SHROOM2: variants seen among roughly 807,000 people sequenced by gnomAD.
The protein encoded by SHROOM2 is shroom family member 2, also known as protein Shroom2.
Under a neutral mutation model 75.9 loss-of-function variants are expected in SHROOM2, and 33 were observed. The observed-to-expected ratio is 0.43, with a 90% CI of 0.33 to 0.58. The LOEUF is 0.58. Among genes scored for constraint, SHROOM2 ranks in the 20% least tolerant of loss-of-function variants. The pLI is 0.04. For missense variants in SHROOM2, 1,434 were observed against 1,461.2 expected (o/e 0.98, Z 0.30); for synonymous variants, 655 against 663.6 (o/e 0.99, Z 0.20).
At chrX:9,818,266 C>T (rs747227114) in intron 1 of SHROOM2, 431 of 209,933 alleles carry the variant, frequency 2.1e-3, no homozygotes, top group Non-Finnish European at 3.0e-3. Flanking sequence ...TGTCATCATC[C>T]TTGTTGTTGG....
intron 1 of SHROOM2, among the ~76,000 whole-genome samples, chrX:9,854,078 G>A (rs753594550): frequency 6.2e-5 from 7 of 112,425 alleles, no homozygotes; most frequent in East Asian, 2.8e-4. Flanking sequence ...AAATCACAAA[G>A]GACAGTTTCA....
chrX:9,939,455 T>A (rs1173597892), intron 8 of SHROOM2, 89 bp downstream of exon 8: 6 of 816,669 alleles, frequency 7.3e-6, no homozygotes, highest in Admixed American at 3.7e-5. Context: ...GCGCAGACCC[T>A]GCACCACGTG....
rs1021098977 is a variant in SHROOM2, at chrX:9,944,524, C to A, written c.4312-117C>A. ...TTGGTGATGCAAAAGTGAGCTTTCA[C>A]GCAGGTCAGCTGCACCTTTCACGTA... is the stretch of plus-strand genomic sequence containing the variant. On this transcript the variant is annotated intron_variant, in intron 8 of 9. Coordinates refer to ENST00000380913, the MANE Select transcript of SHROOM2 (RefSeq NM_001649.4). 11 of 727,314 alleles carry A rather than the reference C, an allele frequency of 1.5e-5. No individual in the cohort carries two copies. In the African/African-American group the frequency reaches 1.7e-4, roughly 12 times the overall value. The allele number at this position is 727,314 out of a possible 1,213,427, so 59.9% of individuals were successfully genotyped here.
In SHROOM2 at chrX:9,875,572, G is replaced by C. The variant is rs1020723927; in HGVS notation, c.317+1769G>C. ...TACTGTGTGTCTCTTCTTTGATGGA[G>C]ACACCAGCTTAGTCAGCATAGCTGG... On this transcript the variant is annotated intron_variant, in intron 2 of 9. Coordinates refer to ENST00000380913, the MANE Select transcript of SHROOM2 (RefSeq NM_001649.4). Among the ~76,000 whole-genome samples the C allele has an allele frequency of 1.5e-4, 17 of 111,917 alleles. 1 individual carries two copies.
intron 1 of SHROOM2, among the ~76,000 whole-genome samples, chrX:9,799,157 CTTTTTTTTTT>C (rs58508176): frequency 6.5e-5 from 4 of 61,379 alleles, no homozygotes; most frequent in South Asian, 1.0e-3. Flanking sequence ...GAGTTTAATT[CTTTTTTTTTT>C]TTTTTTTTTT....
Position 9,932,816 on chromosome X carries a change from C to G in SHROOM2, c.3533C>G (p.Pro1178Arg), listed in dbSNP as rs373440832. Reference sequence around the variant, plus strand: ...CGCTCCCCCTCGCCCCAGTTCGCCCCCCAGAAACTGACGGACAAACCTCCC... The same window carrying G: ...CGCTCCCCCTCGCCCCAGTTCGCCCGCCAGAAACTGACGGACAAACCTCCC... ...TSRSPSPQFA[P>R]QKLTDKPPLL... The change falls in exon 6 of 10, where the codon CCC (proline) becomes CGC (arginine). Residue 1178 changes from proline to arginine, a missense_variant. Around this residue, in one of 3 missense-constraint regions of SHROOM2, gnomAD observed 1,340 missense variants for 1,338.3 expected, o/e 1.00. Transcript: ENST00000380913. The G allele has an allele frequency of 2.3e-5, 28 of 1,204,511 alleles. No homozygotes were observed. The highest frequency in any genetic ancestry group is 3.1e-5 in the Non-Finnish European group (28 of 894,142).
chrX:9,908,161 T>TAGC (rs1161844210), intron 5 of SHROOM2, among the ~76,000 whole-genome samples: 1 of 112,835 alleles, frequency 8.9e-6, no homozygotes, highest in Non-Finnish European at 1.9e-5. Flanking sequence ...GAGGGGGCTG[T>TAGC]AGCTTGTTCA....
chrX:9,935,266 C>T lies in SHROOM2; in HGVS notation c.3588-1868C>T, dbSNP rs1006528519. Among the ~76,000 whole-genome samples, 12 of 110,433 alleles carry T rather than the reference C, an allele frequency of 1.1e-4. No individual in the cohort carries two copies. The East Asian group carries it at 1.4e-3, about 13-fold the overall frequency. On this transcript the variant is annotated intron_variant, in intron 6 of 9. Coordinates refer to ENST00000380913, the MANE Select transcript of SHROOM2 (RefSeq NM_001649.4). ...GGTGAAGGGAGTGCAGAGGGTTCTG[C>T]GTTTGCTGGTGCTTGGATAAGGTGG...
At chrX:9,790,687 A>G (rs1158993528) in intron 1 of SHROOM2, among the ~76,000 whole-genome samples, 1 of 111,801 alleles carries the variant, frequency 8.9e-6, no homozygotes, top group Non-Finnish European at 1.9e-5. Context: ...ATAAAGATCC[A>G]TCTGTATTTA....
chrX:9,944,350 C>T (rs2084797463), intron 8 of SHROOM2, among the ~76,000 whole-genome samples: 1 of 111,810 alleles, frequency 8.9e-6, no homozygotes, highest in Non-Finnish European at 1.9e-5. Flanking sequence ...GTTGAAACTG[C>T]ATCTACCATG....
At chrX:9,941,005 G>A (rs1029445504) in intron 8 of SHROOM2, among the ~76,000 whole-genome samples, 4 of 111,945 alleles carry the variant, frequency 3.6e-5, no homozygotes, top group South Asian at 7.4e-4. Flanking sequence ...GAAGCATCAC[G>A]CAGAGATGAC....
chrX:9,939,459 C>T, intron 8 of SHROOM2, 93 bp downstream of exon 8: 1 of 792,346 alleles, frequency 1.3e-6, no homozygotes. Context: ...AGACCCTGCA[C>T]CACGTGTCCC....
chrX:9,857,069 G>A (rs17255244), intron 1 of SHROOM2, among the ~76,000 whole-genome samples: 48,436 of 111,099 alleles, frequency 0.44, 9,021 homozygotes, highest in South Asian at 0.68. Context: ...GGAGAACGTG[G>A]GACTTGAATG....
chrX:9,894,744 GC>G lies in SHROOM2; in HGVS notation c.840del (p.Arg281GlyfsTer180). 8.3e-7 allele frequency: 1 copy of G among 1,211,244 alleles called. No homozygotes were observed. The highest frequency in any genetic ancestry group is 1.1e-6 in the Non-Finnish European group (1 of 895,223). On this transcript the variant is annotated frameshift_variant, in exon 4 of 10. Coordinates refer to ENST00000380913, the MANE Select transcript of SHROOM2 (RefSeq NM_001649.4). LOFTEE classifies it high-confidence loss of function. ...AGGGTCCCCGGTGACAGCGGCAAAG[GC>G]CCCAGGCCAGAGTACAATGCCGAGC... ...PPRVPGDSGK[G>X]PRPEYNAEPK... is the part of the protein sequence containing the mutation.
At position 9,926,227 on chromosome X, in the gene SHROOM2, G is replaced by A. The variant is rs141113248; in HGVS notation, c.2892-5948G>A. ...TTGCCTGCCTGACGTCACATAGCTG[G>A]CACGTGATGGATCCCGATTGGATGT... On this transcript the variant is annotated intron_variant, in intron 5 of 9. Coordinates refer to ENST00000380913, the MANE Select transcript of SHROOM2 (RefSeq NM_001649.4). Among the ~76,000 whole-genome samples, 269 of 112,197 alleles carry A rather than the reference G, an allele frequency of 2.4e-3. 1 individual carries two copies. Among genetic ancestry groups the A allele is most frequent in the African/African-American group, 8.5e-3 (263 of 30,891 alleles).
intron 1 of SHROOM2, among the ~76,000 whole-genome samples, chrX:9,867,724 A>G (rs1852832169): frequency 9.0e-6 from 1 of 111,711 alleles, no homozygotes; most frequent in Non-Finnish European, 1.9e-5. Flanking sequence ...TCCCCATAGC[A>G]CCATAAACAT....
At position 9,894,412 on chromosome X, in the gene SHROOM2, C is replaced by T; in HGVS notation, c.504C>T (p.Thr168=). The T allele has an allele frequency of 8.3e-6, 10 of 1,211,394 alleles. No homozygotes were observed. The highest frequency in any genetic ancestry group is 1.1e-5 in the Non-Finnish European group (10 of 895,421). The part of the protein sequence containing the change: ...SSWEQTNLQR[T]LDHFSSLGSV... ...GGGAGCAGACGAACCTACAGCGCAC[C>T]TTAGATCACTTCAGCTCCTTGGGGA... Residue 168 remains threonine (T), a synonymous_variant, in exon 4 of 10, where the codon ACC becomes ACT. Transcript: ENST00000380913.
chrX:9,897,374 C>T (rs746823557), intron 4 of SHROOM2, among the ~76,000 whole-genome samples: 1 of 110,304 alleles, frequency 9.1e-6, no homozygotes, highest in South Asian at 3.9e-4. Flanking sequence ...TACATCTGCA[C>T]TTGCACATCT....
chrX:9,838,652 G>A (rs1308874825), intron 1 of SHROOM2, among the ~76,000 whole-genome samples: 1 of 111,878 alleles, frequency 8.9e-6, no homozygotes, highest in Non-Finnish European at 1.9e-5. Context: ...AGACACCCGA[G>A]TTAAGCAAGC....
Sources: gnomAD v4.1 joint callset for allele counts (sites outside exome capture counted in the v4.1 genomes callset) on GRCh38, gnomAD v4.1.1 for gene constraint, gnomAD v4.1.1 regional missense constraint, MANE v1.5 for transcripts, NCBI Gene and HGNC (gene_info 2026-07-23, HGNC 2026-07-21) for gene names.